Variants in THUMPD1 observed in about 807,000 individuals in gnomAD.
THUMPD1 encodes the protein THUMP domain 1 NAT10 acetyltransferase adaptor.
THUMPD1 carries 31 observed loss-of-function variants against 31.6 expected under a neutral mutation model. That is an observed-to-expected ratio of 0.98 (90% CI 0.74 to 1.32). The LOEUF is 1.32. Ranked by LOEUF, THUMPD1 falls within the 40% of genes most tolerant of loss-of-function variation. The pLI, the probability that THUMPD1 is intolerant of heterozygous loss-of-function variation, is 0.00. For missense variants in THUMPD1, 446 were observed against 427.8 expected (o/e 1.04, Z -0.38); for synonymous variants, 166 against 158.2 (o/e 1.05, Z -0.37).
Position 20,736,722 on chromosome 16 carries a change from C to CT in THUMPD1, c.*157dup. On this transcript the variant is annotated 3_prime_UTR_variant, in exon 4 of 4. Coordinates refer to ENST00000396083, the MANE Select transcript of THUMPD1 (RefSeq NM_017736.5). Reference sequence around the variant, plus strand: ...AAAGGCTGAAAGATCCCTAAAAAAACTGTTAACAGGGCTGCGCAATCATTG... The same window carrying CT: ...AAAGGCTGAAAGATCCCTAAAAAAACTTGTTAACAGGGCTGCGCAATCATTG... 1 of 719,042 alleles carries CT rather than the reference C, an allele frequency of 1.4e-6. No homozygotes were observed. Among genetic ancestry groups the CT allele is most frequent in the Non-Finnish European group, 2.2e-6 (1 of 445,354 alleles). The allele number at this position is 719,042 out of a possible 1,614,324, so 44.5% of individuals were successfully genotyped here.
intron 3 of THUMPD1, 40 bp downstream of exon 3, chr16:20,737,668 A>G: frequency 1.3e-5 from 20 of 1,560,622 alleles, no homozygotes; most frequent in Non-Finnish European, 1.7e-5. Flanking sequence ...ACAAGTATTT[A>G]CCATTGAATG....
Position 20,738,971 on chromosome 16 carries a change from T to C in THUMPD1, c.332A>G (p.Glu111Gly), listed in dbSNP as rs1051730119. 6.2e-7 allele frequency: 1 copy of C among 1,614,120 alleles called. No individual in the cohort carries two copies. Among genetic ancestry groups the C allele is most frequent in the African/African-American group, 1.3e-5 (1 of 74,940 alleles). ...KEVGDIKAST[E>G]MRLRRFQSVE... ...TGACTGGAATCTTCTTAACCTCATC[T>C]CTGTAGATGCCTTAATGTCACCAAC... The change falls in exon 2 of 4, where the codon GAG (glutamate) becomes GGG (glycine). Residue 111 changes from glutamate to glycine, a missense_variant. By Grantham distance (98) the Glu-to-Gly change is moderately conservative. Coordinates refer to ENST00000396083, the MANE Select transcript of THUMPD1 (RefSeq NM_017736.5).
At position 20,736,696 on chromosome 16, in the gene THUMPD1, T is replaced by C. The variant is rs909956154; in HGVS notation, c.*184A>G. The C allele has an allele frequency of 1.1e-4, 69 of 634,544 alleles. No homozygotes were observed. The African/African-American group carries it at 1.1e-3, about 10-fold the overall frequency. 39.3% of individuals were successfully genotyped at this position (634,544 alleles called of 1,614,324 possible). A position where few individuals can be genotyped will look rare whatever the true frequency, so the allele number is the denominator to read the frequency against. On this transcript the variant is annotated 3_prime_UTR_variant, in exon 4 of 4. Transcript: ENST00000396083. Reference sequence around the variant, plus strand: ...ATGGGTCTGCCTCTACGTAATACCATAAAGGCTGAAAGATCCCTAAAAAAA... The same window carrying C: ...ATGGGTCTGCCTCTACGTAATACCACAAAGGCTGAAAGATCCCTAAAAAAA...
rs1039057816 is a variant in THUMPD1, at chr16:20,738,008, C to A, written c.407-52G>T. The A allele has an allele frequency of 3.3e-6, 5 of 1,516,448 alleles. No individual in the cohort carries two copies. The African/African-American group carries it at 4.2e-5, about 13-fold the overall frequency. The allele number at this position is 1,516,448 out of a possible 1,614,324, so 93.9% of individuals were successfully genotyped here. ...ATAATTTCTCAGACATCTTAAAGAT[C>A]GAACTCTAAAATGAATTTTCACTGG... is the stretch of plus-strand genomic sequence containing the variant. On this transcript the variant is annotated intron_variant, in intron 2 of 3. Coordinates refer to ENST00000396083, the MANE Select transcript of THUMPD1 (RefSeq NM_017736.5).
At position 20,737,826 on chromosome 16, in the gene THUMPD1, A is replaced by T. The variant is rs753979966; in HGVS notation, c.537T>A (p.Tyr179Ter). 5 of 1,613,946 alleles carry T rather than the reference A, an allele frequency of 3.1e-6. No homozygotes were observed. Among genetic ancestry groups the T allele is most frequent in the Non-Finnish European group, 4.2e-6 (5 of 1,179,928 alleles). Residue 179 changes from tyrosine to a stop codon, truncating the protein, a stop_gained, in exon 3 of 4, where the codon TAT becomes TAA. Transcript: ENST00000396083. LOFTEE classifies it high-confidence loss of function. ...CKAFLEDMKK[Y>*]AETFLEPWFK... ...ACCAGGGTTCCAAAAATGTTTCTGC[A>T]TATTTTTTCATATCTTCTAAAAAAG...
Position 20,738,898 on chromosome 16 carries a change from T to G in THUMPD1, c.405A>C (p.Ile135=). 1 of 1,614,140 alleles carries G rather than the reference T, an allele frequency of 6.2e-7. No individual in the cohort carries two copies. The highest frequency in any genetic ancestry group is 1.1e-5 in the South Asian group (1 of 91,068). Reference sequence around the variant, plus strand: ...AATCTTAGCAAGTATTTGTCACACCTATCCCAAGTGTCCTGATGAAGACAA... The same window carrying G: ...AATCTTAGCAAGTATTTGTCACACCGATCCCAAGTGTCCTGATGAAGACAA... The part of the protein sequence containing the change: ...NNVVFIRTLG[I]EPEKLVHHIL... The change falls in exon 2 of 4, where the codon ATA becomes ATC. Residue 135 remains isoleucine (I), a splice_region_variant and synonymous_variant. Transcript: ENST00000396083.
intron 3 of THUMPD1, 87 bp from the exon 4 acceptor site, chr16:20,737,373 TAAAAC>T: frequency 1.5e-6 from 2 of 1,364,822 alleles, no homozygotes; most frequent in Non-Finnish European, 2.0e-6. Flanking sequence ...TGTTTCTTGT[TAAAAC>T]AAGACATACA....
chr16:20,735,121 T>A lies in THUMPD1; in HGVS notation c.*1759A>T, dbSNP rs1361611870. The A allele has an allele frequency of 2.6e-5, 4 of 152,038 alleles. No homozygotes were observed. Among genetic ancestry groups the A allele is most frequent in the South Asian group, 4.1e-4 (2 of 4,828 alleles). 9.4% of individuals were successfully genotyped at this position (152,038 alleles called of 1,614,324 possible). A position where few individuals can be genotyped will look rare whatever the true frequency, so the allele number is the denominator to read the frequency against. ...AAGAGTCTTGTCGCTTTAAGAAAAA[T>A]TTTTTTCCCCAGAACCTTTCAGAGA... On this transcript the variant is annotated 3_prime_UTR_variant, in exon 4 of 4. Transcript: ENST00000396083.
Position 20,738,952 on chromosome 16 carries a change from G to A in THUMPD1, c.351C>T (p.Phe117=). ...TATTTGCTCCACTTTCCACTGACTG[G>A]AATCTTCTTAACCTCATCTCTGTAG... The part of the protein sequence containing the change: ...KASTEMRLRR[F]QSVESGANNV... Residue 117 remains phenylalanine (F), a synonymous_variant, in exon 2 of 4, where the codon TTC becomes TTT. Coordinates refer to ENST00000396083, the MANE Select transcript of THUMPD1 (RefSeq NM_017736.5). 4 of 1,614,156 alleles carry A rather than the reference G, an allele frequency of 2.5e-6. No individual in the cohort carries two copies. The highest frequency in any genetic ancestry group is 4.5e-5 in the East Asian group (2 of 44,890).
rs1312781007 is a variant in THUMPD1, at chr16:20,734,996, A to G, written c.*1884T>C. On this transcript the variant is annotated 3_prime_UTR_variant, in exon 4 of 4. Transcript: ENST00000396083. ...TGGTTCCTCCAGCCGGGTTAGAACA[A>G]GATTTGAGAGTTGCACCCTTTATTT... 2.0e-5 allele frequency: 3 copies of G among 152,214 alleles called. No homozygotes were observed. The highest frequency in any genetic ancestry group is 7.2e-5 in the African/African-American group (3 of 41,458). The allele number at this position is 152,214 out of a possible 1,614,324, so 9.4% of individuals were successfully genotyped here.
rs894297934 is a variant in THUMPD1, at chr16:20,737,366, T to G, written c.656-80A>C. The G allele has an allele frequency of 2.8e-6, 4 of 1,431,838 alleles. No homozygotes were observed. The Admixed American group carries it at 9.7e-5, about 35-fold the overall frequency. 88.7% of individuals were successfully genotyped at this position (1,431,838 alleles called of 1,614,324 possible). A position where few individuals can be genotyped will look rare whatever the true frequency, so the allele number is the denominator to read the frequency against. On this transcript the variant is annotated intron_variant, in intron 3 of 3. Transcript: ENST00000396083. ...GATACAAAAAATCTTTTGTCTCTGT[T>G]TCTTGTTAAAACAAGACATACAGTA...
chr16:20,741,453 T>C lies in THUMPD1; in HGVS notation c.231+56A>G, dbSNP rs1466322895. Reference sequence around the variant, plus strand: ...ATACCAGCAGCCATCCCTCCACCCTTCCCTCCTCCCGCAAGGCCTGGCAGC... The same window carrying C: ...ATACCAGCAGCCATCCCTCCACCCTCCCCTCCTCCCGCAAGGCCTGGCAGC... On this transcript the variant is annotated intron_variant, in intron 1 of 3. Transcript: ENST00000396083. 4 of 1,473,574 alleles carry C rather than the reference T, an allele frequency of 2.7e-6. No individual in the cohort carries two copies. In the East Asian group the frequency reaches 7.5e-5, roughly 27 times the overall value. The allele number at this position is 1,473,574 out of a possible 1,614,324, so 91.3% of individuals were successfully genotyped here. A position where few individuals can be genotyped will look rare whatever the true frequency, so the allele number is the denominator to read the frequency against.
intron 2 of THUMPD1, 135 bp downstream of exon 2, chr16:20,738,762 A>C: frequency 9.9e-7 from 1 of 1,008,020 alleles, no homozygotes; most frequent in Non-Finnish European, 1.5e-6. Flanking sequence ...CCAACTGCTA[A>C]TACAGTGTAC....
chr16:20,738,827 C>A, intron 2 of THUMPD1, 70 bp downstream of exon 2: 1 of 1,541,770 alleles, frequency 6.5e-7, no homozygotes, highest in Non-Finnish European at 8.8e-7. Flanking sequence ...ATTTTGTAAG[C>A]AGTATTCCCT....
At position 20,737,075 on chromosome 16, in the gene THUMPD1, C is replaced by T. The variant is rs554411777; in HGVS notation, c.867G>A (p.Leu289=). ...SKQGNGKEAK[L]ESADKSDQNN... is the part of the protein sequence containing the mutation. ...TTTGGTCTGATTTGTCCGCAGATTC[C>T]AGTTTAGCTTCTTTCCCATTTCCCT... Residue 289 remains leucine (L), a synonymous_variant, in exon 4 of 4, where the codon CTG becomes CTA. Coordinates refer to ENST00000396083, the MANE Select transcript of THUMPD1 (RefSeq NM_017736.5). 3 of 1,614,138 alleles carry T rather than the reference C, an allele frequency of 1.9e-6. No homozygotes were observed. In the African/African-American group the frequency reaches 4.0e-5, roughly 22 times the overall value.
chr16:20,737,618 G>A (rs1311934466), intron 3 of THUMPD1, 90 bp downstream of exon 3: 2 of 1,318,038 alleles, frequency 1.5e-6, no homozygotes, highest in Non-Finnish European at 1.0e-6. Flanking sequence ...ACTCAAAAAT[G>A]TAAGCCTTAA....
intron 1 of THUMPD1, 28 bp downstream of exon 1, chr16:20,741,481 G>GGCT: frequency 7.6e-7 from 1 of 1,308,414 alleles, no homozygotes; most frequent in Non-Finnish European, 9.9e-7. Flanking sequence ...CTGGCAGCCG[G>GGCT]CCCGCCCGCC....
At chr16:20,740,960 G>A (rs1429149517) in intron 1 of THUMPD1, among the ~76,000 whole-genome samples, 1 of 152,196 alleles carries the variant, frequency 6.6e-6, no homozygotes, top group Non-Finnish European at 1.5e-5. Flanking sequence ...GGCCCTCAAT[G>A]AGCAATCCTT....
In THUMPD1 at chr16:20,735,163, T is replaced by C. The variant is rs1034467267; in HGVS notation, c.*1717A>G. 6.6e-6 allele frequency: 1 copy of C among 152,230 alleles called. No individual in the cohort carries two copies. The highest frequency in any genetic ancestry group is 1.5e-5 in the Non-Finnish European group (1 of 68,046). 9.4% of individuals were successfully genotyped at this position (152,230 alleles called of 1,614,324 possible). On this transcript the variant is annotated 3_prime_UTR_variant, in exon 4 of 4. Coordinates refer to ENST00000396083, the MANE Select transcript of THUMPD1 (RefSeq NM_017736.5). ...TTTCAGAGACTTGTCCATTTGTTCA[T>C]GTGATGAAAAACGTCTGCAAAATAG... is the stretch of plus-strand genomic sequence containing the variant.
Sources: gnomAD v4.1 joint callset for allele counts (sites outside exome capture counted in the v4.1 genomes callset) on GRCh38, gnomAD v4.1.1 for gene constraint, MANE v1.5 for transcripts, NCBI Gene and HGNC (gene_info 2026-07-23, HGNC 2026-07-21) for gene names.